Variants in ZNF654 observed in about 807,000 individuals in gnomAD.
The protein encoded by ZNF654 is zinc finger protein 654, also known as melanoma-associated antigen.
In ZNF654, 19 loss-of-function variants were observed where a neutral mutation model predicts 95.3. The ratio of observed to expected loss-of-function variants is 0.20; its 90% CI spans 0.14 to 0.29. The LOEUF (loss-of-function observed/expected upper bound fraction) is 0.29. Among genes scored for constraint, ZNF654 ranks in the 10% least tolerant of loss-of-function variants. ZNF654 has a pLI of 1.00. For missense variants in ZNF654, 1,046 were observed against 1,341.0 expected (o/e 0.78, Z 3.44); for synonymous variants, 413 against 457.9 (o/e 0.90, Z 1.25).
At chr3:88,089,429 T>C (rs1708521026) in intron 2 of ZNF654, among the ~76,000 whole-genome samples, 1 of 151,520 alleles carries the variant, frequency 6.6e-6, no homozygotes, top group Non-Finnish European at 1.5e-5. Context: ...AGGCGGAGGT[T>C]GCAGTGAGCC....
At chr3:88,137,194 C>CAA (rs11401199) in intron 7 of ZNF654, among the ~76,000 whole-genome samples, 6,816 of 69,284 alleles carry the variant, frequency 0.098, 1,125 homozygotes, top group Non-Finnish European at 0.12. Flanking sequence ...GACTCTGTCT[C>CAA]AAAAAAAAAA....
chr3:88,101,450 A>C (rs1704420909), intron 2 of ZNF654, among the ~76,000 whole-genome samples: 1 of 152,148 alleles, frequency 6.6e-6, no homozygotes, highest in Admixed American at 6.6e-5. Context: ...AGTCATGTAA[A>C]ATATTCTTTT....
At chr3:88,109,621 C>CT (rs1348471233) in intron 2 of ZNF654, among the ~76,000 whole-genome samples, 3 of 152,050 alleles carry the variant, frequency 2.0e-5, no homozygotes, top group African/African-American at 7.2e-5. Context: ...TAGCAGAAGT[C>CT]TAAGAGTTTG....
At chr3:88,067,405 C>A (rs1707259761) in intron 1 of ZNF654, among the ~76,000 whole-genome samples, 1 of 152,004 alleles carries the variant, frequency 6.6e-6, no homozygotes, top group African/African-American at 2.4e-5. Context: ...AAGGGAGGTC[C>A]GGTTATCATA....
chr3:88,096,516 G>T (rs760564820), intron 2 of ZNF654, among the ~76,000 whole-genome samples: 20 of 152,050 alleles, frequency 1.3e-4, no homozygotes, highest in Non-Finnish European at 2.6e-4. Context: ...AGAACCCAAA[G>T]ACCTTTGTTT....
intron 1 of ZNF654, among the ~76,000 whole-genome samples, chr3:88,064,940 C>A (rs1707110425): frequency 6.6e-6 from 1 of 152,104 alleles, no homozygotes; most frequent in Admixed American, 6.5e-5. Flanking sequence ...GAAAGAGTAT[C>A]CTATTTTCTG....
intron 1 of ZNF654, among the ~76,000 whole-genome samples, chr3:88,083,405 C>A (rs868695002): frequency 6.6e-6 from 1 of 152,064 alleles, no homozygotes; most frequent in African/African-American, 2.4e-5. Context: ...TATACTATAT[C>A]CCATTTAGAG....
rs561908386 is a variant in ZNF654 at position 88,063,304 on chromosome 3, C to T, written c.186+3799C>T. Among the ~76,000 whole-genome samples the T allele has an allele frequency of 7.9e-5, 12 of 152,170 alleles. No homozygotes were observed. In the East Asian group the frequency reaches 1.9e-3, roughly 24 times the overall value. On this transcript the variant is annotated intron_variant, in intron 1 of 8. Transcript: ENST00000636215. The stretch of plus-strand genomic sequence containing the variant: ...GGACTCTTAGTGGGTACCTTTTATG[C>T]GTAATGCCGATATAAATGGCAGTAA...
chr3:88,142,290 A>G lies in ZNF654; in HGVS notation c.*638A>G, dbSNP rs1248985341. 1 of 56,556 alleles carries G rather than the reference A, an allele frequency of 1.8e-5. No homozygotes were observed. Among genetic ancestry groups the G allele is most frequent in the Non-Finnish European group, 5.5e-5 (1 of 18,256 alleles). 3.5% of individuals were successfully genotyped at this position (56,556 alleles called of 1,614,324 possible). A position where few individuals can be genotyped will look rare whatever the true frequency, so the allele number is the denominator to read the frequency against. The stretch of plus-strand genomic sequence containing the variant: ...GCACGCCAGCATTGAAAATTAAAAA[A>G]CAAAACAAAAAAAACCACAGTGCTT... On this transcript the variant is annotated 3_prime_UTR_variant, in exon 9 of 9. Coordinates refer to ENST00000636215, the MANE Select transcript of ZNF654 (RefSeq NM_001350134.2).
chr3:88,115,113 G>GATC (rs1705313030), intron 3 of ZNF654, among the ~76,000 whole-genome samples: 1 of 152,136 alleles, frequency 6.6e-6, no homozygotes, highest in Non-Finnish European at 1.5e-5. Context: ...TGTACATAAA[G>GATC]ATCACCTGGG....
intron 1 of ZNF654, among the ~76,000 whole-genome samples, chr3:88,067,669 A>G (rs1026322644): frequency 6.6e-6 from 1 of 152,204 alleles, no homozygotes; most frequent in Non-Finnish European, 1.5e-5. Flanking sequence ...TGGCATTGCA[A>G]ACTGTTGAGA....
intron 2 of ZNF654, among the ~76,000 whole-genome samples, chr3:88,109,479 ATTTCT>A (rs1459278592): frequency 6.6e-6 from 1 of 152,080 alleles, no homozygotes; most frequent in African/African-American, 2.4e-5. Context: ...TGGTAAGTGG[ATTTCT>A]TTTATTTGGA....
chr3:88,070,640 T>G (rs996052533), intron 1 of ZNF654, among the ~76,000 whole-genome samples: 2 of 150,182 alleles, frequency 1.3e-5, no homozygotes, highest in Non-Finnish European at 2.9e-5. Flanking sequence ...CTGTGATTGC[T>G]TTCATGATAC....
chr3:88,095,546 A>G (rs1704009548), intron 2 of ZNF654: 1 of 510,656 alleles, frequency 2.0e-6, no homozygotes, highest in Non-Finnish European at 3.9e-6. Context: ...GGTCTGCTTC[A>G]TCTGTCTTTC....
chr3:88,073,973 A>G (rs1448256617), intron 1 of ZNF654, among the ~76,000 whole-genome samples: 1 of 152,124 alleles, frequency 6.6e-6, no homozygotes, highest in Non-Finnish European at 1.5e-5. Flanking sequence ...TGAGAAAGCT[A>G]ATTAACCTGT....
chr3:88,115,387 G>T (rs915824468), intron 3 of ZNF654, among the ~76,000 whole-genome samples: 2 of 152,154 alleles, frequency 1.3e-5, no homozygotes, highest in African/African-American at 4.8e-5. Context: ...TTGTAAAATG[G>T]AGGCAATAAC....
At chr3:88,075,208 G>A (rs937382113) in intron 1 of ZNF654, among the ~76,000 whole-genome samples, 1 of 152,086 alleles carries the variant, frequency 6.6e-6, no homozygotes, top group African/African-American at 2.4e-5. Flanking sequence ...CTGTTGAGTG[G>A]CACCACTTCT....
chr3:88,087,324 C>G (rs1708389601), intron 2 of ZNF654, among the ~76,000 whole-genome samples: 1 of 152,196 alleles, frequency 6.6e-6, no homozygotes, highest in African/African-American at 2.4e-5. Flanking sequence ...ATCTGCCCAC[C>G]TTGGCCTTCC....
intron 1 of ZNF654, among the ~76,000 whole-genome samples, chr3:88,061,223 C>G (rs1559682887): frequency 6.6e-6 from 1 of 152,006 alleles, no homozygotes. Context: ...GGCTGAAAAT[C>G]TATTTAATTT....
Sources: allele counts gnomAD v4.1 joint callset (sites outside exome capture counted in the v4.1 genomes callset), GRCh38; gene constraint gnomAD v4.1.1; transcripts MANE v1.5; gene names NCBI Gene and HGNC (gene_info 2026-07-23, HGNC 2026-07-21).